The following PDIA5 variants were observed in gnomAD, a reference collection of about 807,000 sequenced individuals.
PDIA5 encodes protein disulfide isomerase family A member 5, also known as protein disulfide-isomerase A5.
A neutral mutation model predicts 77.6 loss-of-function variants in PDIA5; 58 were observed. The ratio of observed to expected loss-of-function variants is 0.75; its 90% CI spans 0.61 to 0.93. The LOEUF (loss-of-function observed/expected upper bound fraction) is 0.93. Ranked by LOEUF, PDIA5 falls within the 40% of genes least tolerant of loss-of-function variation. The pLI, the probability that PDIA5 is intolerant of heterozygous loss-of-function variation, is 0.00. For missense variants in PDIA5, 630 were observed against 647.7 expected, an observed-to-expected ratio of 0.97 and a Z score of 0.30; for synonymous variants, 250 against 252.1, an observed-to-expected ratio of 0.99 and a Z score of 0.08.
intron 3 of PDIA5, among the ~76,000 whole-genome samples, chr3:123,093,849 A>C (rs781096487): frequency 6.6e-6 from 1 of 152,200 alleles, no homozygotes; most frequent in Non-Finnish European, 1.5e-5. Flanking sequence ...AAGACCTCGG[A>C]GCACAATACC....
chr3:123,114,793 C>T (rs935982691), intron 7 of PDIA5, among the ~76,000 whole-genome samples: 6 of 152,312 alleles, frequency 3.9e-5, no homozygotes, highest in Admixed American at 2.0e-4. Context: ...AGGGCAGATT[C>T]GGCGGGCTCG....
At chr3:123,135,403 G>A (rs1481719649) in intron 11 of PDIA5, among the ~76,000 whole-genome samples, 1 of 152,146 alleles carries the variant, frequency 6.6e-6, no homozygotes, top group Non-Finnish European at 1.5e-5. Flanking sequence ...TCTCCCCTGT[G>A]CTACAGGGCT....
intron 7 of PDIA5, among the ~76,000 whole-genome samples, chr3:123,115,408 C>G (rs1354193915): frequency 2.6e-5 from 4 of 152,186 alleles, no homozygotes; most frequent in African/African-American, 9.7e-5. Flanking sequence ...GGCCCCCTAT[C>G]AAGGCTGTGG....
chr3:123,142,487 T>C (rs114061259), intron 11 of PDIA5, among the ~76,000 whole-genome samples: 8 of 152,222 alleles, frequency 5.3e-5, no homozygotes, highest in Non-Finnish European at 8.8e-5. Flanking sequence ...AAAATAATGA[T>C]GACCTTGATA....
intron 15 of PDIA5, among the ~76,000 whole-genome samples, chr3:123,155,813 C>G (rs1936009882): frequency 6.6e-6 from 1 of 152,178 alleles, no homozygotes; most frequent in Non-Finnish European, 1.5e-5. Flanking sequence ...CACCCAAACC[C>G]AGAGTCACGT....
chr3:123,131,494 C>T (rs1935370198), intron 11 of PDIA5, among the ~76,000 whole-genome samples: 1 of 151,038 alleles, frequency 6.6e-6, no homozygotes, highest in African/African-American at 2.4e-5. Context: ...CAGTAGTCAC[C>T]TCTTACCTTA....
rs533050282 is a variant in PDIA5, at chr3:123,096,015, G to A, written c.257+3573G>A. Among the ~76,000 whole-genome samples, 10 of 152,258 alleles carry A rather than the reference G, an allele frequency of 6.6e-5. 1 individual carries two copies. Among genetic ancestry groups the A allele is most frequent in the South Asian group, 4.1e-4 (2 of 4,826 alleles). On this transcript the variant is annotated intron_variant, in intron 3 of 16. Transcript: ENST00000316218. ...GTGTGTTATAAGCGTGGCTGTGGGC[G>A]TGTGCCTTCTAGTCTTTCAGGGGGG...
intron 10 of PDIA5, 148 bp from the exon 11 acceptor site, chr3:123,130,332 G>T: frequency 1.3e-6 from 1 of 789,562 alleles, no homozygotes; most frequent in Non-Finnish European, 2.0e-6. Flanking sequence ...GCACCTCCAT[G>T]AGGGCAGTTT....
chr3:123,161,196 A>T, intron 15 of PDIA5, 125 bp from the exon 16 acceptor site: 1 of 1,000,006 alleles, frequency 1.0e-6, no homozygotes, highest in Non-Finnish European at 1.5e-6. Flanking sequence ...TTCAGTTCCT[A>T]CCTGCCACTG....
At chr3:123,145,337 C>T in intron 11 of PDIA5, 185 bp from the exon 12 acceptor site, 1 of 569,400 alleles carries the variant, frequency 1.8e-6, no homozygotes, top group Non-Finnish European at 3.1e-6. Flanking sequence ...TCTGGGGTAC[C>T]TTCCCACTAC....
chr3:123,123,112 C>G (rs983669564), intron 8 of PDIA5, among the ~76,000 whole-genome samples: 1 of 151,706 alleles, frequency 6.6e-6, no homozygotes, highest in Non-Finnish European at 1.5e-5. Flanking sequence ...TCATCTCTAC[C>G]AAAAAGAAAA....
intron 7 of PDIA5, 75 bp downstream of exon 7, chr3:123,111,079 G>A (rs373011023): frequency 1.4e-4 from 141 of 1,035,898 alleles, no homozygotes; most frequent in South Asian, 5.9e-4. Context: ...TGGGGGTTGC[G>A]GGCGGGGTCT....
chr3:123,138,000 C>T (rs1488035285), intron 11 of PDIA5, among the ~76,000 whole-genome samples: 2 of 152,188 alleles, frequency 1.3e-5, no homozygotes, highest in Non-Finnish European at 2.9e-5. Context: ...GGCTGGAATG[C>T]AGTGGCATAA....
At chr3:123,118,831 A>G (rs1002700034) in intron 8 of PDIA5, among the ~76,000 whole-genome samples, 1 of 152,204 alleles carries the variant, frequency 6.6e-6, no homozygotes, top group Non-Finnish European at 1.5e-5. Flanking sequence ...TAAGCTCTAT[A>G]TTAAAAGTGA....
chr3:123,135,894 G>A (rs1935491484), intron 11 of PDIA5, among the ~76,000 whole-genome samples: 2 of 143,554 alleles, frequency 1.4e-5, no homozygotes, highest in East Asian at 4.0e-4. Flanking sequence ...ATAGATTTGT[G>A]TAACTATCAT....
intron 3 of PDIA5, among the ~76,000 whole-genome samples, chr3:123,096,268 G>A (rs1232623174): frequency 6.6e-6 from 1 of 152,044 alleles, no homozygotes; most frequent in African/African-American, 2.4e-5. Flanking sequence ...TCACAATCTC[G>A]GTTCATTGCA....
intron 11 of PDIA5, among the ~76,000 whole-genome samples, chr3:123,135,446 C>A (rs1170727047): frequency 6.6e-6 from 1 of 152,148 alleles, no homozygotes; most frequent in African/African-American, 2.4e-5. Context: ...CCCTTGCCTA[C>A]CCCCTGACTC....
intron 10 of PDIA5, among the ~76,000 whole-genome samples, chr3:123,127,470 G>A (rs137863103): frequency 2.0e-5 from 3 of 152,188 alleles, no homozygotes; most frequent in East Asian, 3.9e-4. Flanking sequence ...ATCCATTCTC[G>A]GCCTATATGA....
chr3:123,091,089 C>T (rs1476994529), intron 2 of PDIA5, among the ~76,000 whole-genome samples: 1 of 152,168 alleles, frequency 6.6e-6, no homozygotes, highest in Non-Finnish European at 1.5e-5. Flanking sequence ...CCCTGCTTCC[C>T]AGAACCCAGT....
Sources: allele counts gnomAD v4.1 joint callset (sites outside exome capture counted in the v4.1 genomes callset), GRCh38; gene constraint gnomAD v4.1.1; transcripts MANE v1.5; gene names NCBI Gene and HGNC (gene_info 2026-07-23, HGNC 2026-07-21).